Variants in NAV2 observed in about 807,000 individuals in gnomAD.
NAV2 encodes the protein neuron navigator 2, also known as helicase, APC down-regulated 1.
Under a neutral mutation model 223.2 loss-of-function variants are expected in NAV2, and 54 were observed. The observed-to-expected ratio is 0.24, with a 90% CI of 0.19 to 0.30. The LOEUF (loss-of-function observed/expected upper bound fraction) is 0.30, where lower values mean the gene tolerates loss of function less well. NAV2 is among the 10% of genes least tolerant of loss of function. The pLI, the probability that NAV2 is intolerant of heterozygous loss-of-function variation, is 1.00. For missense variants in NAV2, 2,806 were observed against 3,147.5 expected, an observed-to-expected ratio of 0.89 and a Z score of 2.60; for synonymous variants, 1,279 against 1,239.3, an observed-to-expected ratio of 1.03 and a Z score of -0.67.
intron 1 of NAV2, among the ~76,000 whole-genome samples, chr11:19,694,138 G>A (rs1219943492): frequency 6.6e-6 from 1 of 152,192 alleles, no homozygotes; most frequent in Non-Finnish European, 1.5e-5. Flanking sequence ...GTGACTTATT[G>A]AAGAAGGGCT....
chr11:19,784,332 G>A (rs1234547644), intron 1 of NAV2, among the ~76,000 whole-genome samples: 2 of 143,556 alleles, frequency 1.4e-5, no homozygotes, highest in East Asian at 2.2e-4. Flanking sequence ...AGGTTGCGGT[G>A]AGCCAAGATG....
intron 1 of NAV2, among the ~76,000 whole-genome samples, chr11:19,573,593 C>T (rs1425659089): frequency 6.6e-6 from 1 of 152,162 alleles, no homozygotes; most frequent in Non-Finnish European, 1.5e-5. Flanking sequence ...TGACATCTGC[C>T]ATTTCACTTC....
intron 5 of NAV2, among the ~76,000 whole-genome samples, chr11:19,887,121 C>G (rs554324775): frequency 6.6e-6 from 1 of 152,156 alleles, no homozygotes; most frequent in African/African-American, 2.4e-5. Flanking sequence ...GCCACCTCCC[C>G]TGGAGCTCTG....
intron 11 of NAV2, among the ~76,000 whole-genome samples, chr11:20,028,684 G>A (rs972148710): frequency 7.9e-5 from 12 of 152,282 alleles, no homozygotes; most frequent in African/African-American, 1.4e-4. Flanking sequence ...TGAGCTCTGC[G>A]TCCTAAGTCT....
At chr11:19,347,881 C>G (rs1477508938), upstream of NAV2, among the ~76,000 whole-genome samples, 4 of 152,222 alleles carry the variant, frequency 2.6e-5, no homozygotes, top group African/African-American at 9.7e-5. Context: ...AGGGCATACT[C>G]TCTTGAAGTC....
chr11:19,528,488 T>C (rs1181438769), intron 1 of NAV2, among the ~76,000 whole-genome samples: 2 of 152,090 alleles, frequency 1.3e-5, no homozygotes, highest in Non-Finnish European at 2.9e-5. Flanking sequence ...TGAAACCCCA[T>C]CACCTCACTG....
At chr11:19,978,086 A>G (rs1315164095) in intron 10 of NAV2, among the ~76,000 whole-genome samples, 1 of 151,490 alleles carries the variant, frequency 6.6e-6, no homozygotes, top group East Asian at 1.9e-4. Context: ...CAGCCTCCCA[A>G]AGTGCTGGGA....
At chr11:19,515,795 G>C (rs2043427447) in intron 1 of NAV2, among the ~76,000 whole-genome samples, 1 of 152,222 alleles carries the variant, frequency 6.6e-6, no homozygotes, top group African/African-American at 2.4e-5. Context: ...GCAGGGTGGG[G>C]TGGGAAGTGC....
chr11:19,721,794 T>C (rs986839644), intron 1 of NAV2, among the ~76,000 whole-genome samples: 4 of 152,356 alleles, frequency 2.6e-5, no homozygotes, highest in Middle Eastern at 3.4e-3. Flanking sequence ...TAAGGAAATG[T>C]CCTTTTTCTT....
At chr11:19,695,715 C>G (rs945426104) in intron 1 of NAV2, among the ~76,000 whole-genome samples, 1 of 151,884 alleles carries the variant, frequency 6.6e-6, no homozygotes, top group African/African-American at 2.4e-5. Flanking sequence ...ACCAGCCTGG[C>G]CAACATGGTG....
At chr11:19,517,930 G>A (rs1318808705) in intron 1 of NAV2, among the ~76,000 whole-genome samples, 2 of 152,248 alleles carry the variant, frequency 1.3e-5, no homozygotes, top group East Asian at 3.8e-4. Context: ...TCCAGCCTGT[G>A]CCATAGAAAG....
In NAV2 at chr11:19,999,985, C is replaced by T. The variant is rs1169481885; in HGVS notation, c.2768+15738C>T. 3.3e-5 allele frequency among the ~76,000 whole-genome samples: 5 copies of T among 152,310 alleles called. No homozygotes were observed. The East Asian group carries it at 9.6e-4, about 29-fold the overall frequency. On this transcript the variant is annotated intron_variant, in intron 11 of 37. Transcript: ENST00000349880. ...GTCCTCTCAGCCCCAGGTCCAGCAC[C>T]GTGGCCACTGGCCTGTGTCACCTCC...
At chr11:20,049,464 G>C (rs1480242091) in intron 15 of NAV2, among the ~76,000 whole-genome samples, 1 of 151,810 alleles carries the variant, frequency 6.6e-6, no homozygotes, top group African/African-American at 2.4e-5. Flanking sequence ...ATGGCATTCA[G>C]CTTTTGAAAT....
At chr11:19,916,267 G>T (rs1210033159) in intron 6 of NAV2, among the ~76,000 whole-genome samples, 1 of 152,082 alleles carries the variant, frequency 6.6e-6, no homozygotes, top group Non-Finnish European at 1.5e-5. Flanking sequence ...ATCTTCCAAG[G>T]CTATACCTGT....
intron 5 of NAV2, among the ~76,000 whole-genome samples, chr11:19,882,521 C>T (rs2063276521): frequency 6.6e-6 from 1 of 152,170 alleles, no homozygotes; most frequent in Admixed American, 6.5e-5. Flanking sequence ...TTTTATAGAG[C>T]ATCTCACTGC....
intron 1 of NAV2, among the ~76,000 whole-genome samples, chr11:19,426,716 G>A (rs1027834148): frequency 3.3e-5 from 5 of 152,008 alleles, no homozygotes; most frequent in Admixed American, 3.3e-4. Flanking sequence ...TTAGTTGGGG[G>A]GCGGGGTTGT....
Position 20,045,490 on chromosome 11 carries a change from C to T in NAV2, c.3722C>T (p.Ser1241Phe), listed in dbSNP as rs148679484. 1.9e-5 allele frequency: 31 copies of T among 1,614,038 alleles called. No homozygotes were observed. In the African/African-American group the frequency reaches 2.7e-4, roughly 14 times the overall value. Reference protein sequence around the residue: ...REPSKTALGSSLPGLVNQTDK... With the variant: ...REPSKTALGSFLPGLVNQTDK... ...CCTTCCAAAACAGCCCTAGGCAGCT[C>T]TCTACCAGGTCTGGTCAACCAAACA... The change falls in exon 14 of 38, where the codon TCT (serine) becomes TTT (phenylalanine). Residue 1241 changes from serine (S) to phenylalanine (F), a missense_variant. Ser to Phe is a radical substitution (Grantham distance 155, BLOSUM62 -2). Transcript: ENST00000349880.
In NAV2 at chr11:20,054,370, T is replaced by C; in HGVS notation, c.4642+130T>C. On this transcript the variant is annotated intron_variant, in intron 18 of 37. Transcript: ENST00000349880. ...GTTTTGGTTACATGGGTAAGTTCTT[T>C]AGTGGTGATTTCTGAGATTTTGGTG... The C allele has an allele frequency of 4.8e-6, 4 of 827,824 alleles. No homozygotes were observed. In the South Asian group the frequency reaches 6.5e-5, roughly 13 times the overall value. 51.3% of individuals were successfully genotyped at this position (827,824 alleles called of 1,614,324 possible). A position where few individuals can be genotyped will look rare whatever the true frequency, so the allele number is the denominator to read the frequency against.
chr11:19,589,259 G>A (rs1333306402), intron 1 of NAV2, among the ~76,000 whole-genome samples: 1 of 152,060 alleles, frequency 6.6e-6, no homozygotes, highest in Non-Finnish European at 1.5e-5. Context: ...CCAATCAAAC[G>A]AACAAACAAA....
Sources: allele counts gnomAD v4.1 joint callset (sites outside exome capture counted in the v4.1 genomes callset), GRCh38; gene constraint gnomAD v4.1.1; transcripts MANE v1.5; gene names NCBI Gene and HGNC (gene_info 2026-07-23, HGNC 2026-07-21).